The following VAV3 variants were observed in gnomAD, a reference collection of about 807,000 sequenced individuals.
VAV3 encodes vav guanine nucleotide exchange factor 3.
A neutral mutation model predicts 131.2 loss-of-function variants in VAV3; 94 were observed. The ratio of observed to expected loss-of-function variants is 0.72; its 90% CI spans 0.61 to 0.85. VAV3 has a LOEUF of 0.85. VAV3 is among the 40% of genes least tolerant of loss of function. The probability of loss-of-function intolerance (pLI) is 0.00; values close to 1 mark genes in which losing one functional copy is unlikely to be tolerated. For missense variants in VAV3, 939 were observed against 1,002.7 expected, an observed-to-expected ratio of 0.94 and a Z score of 0.86; for synonymous variants, 349 against 342.0, an observed-to-expected ratio of 1.02 and a Z score of -0.22.
intron 4 of VAV3, among the ~76,000 whole-genome samples, chr1:107,775,128 A>G (rs1665275073): frequency 6.6e-6 from 1 of 152,240 alleles, no homozygotes; most frequent in South Asian, 2.1e-4. Context: ...GGCATCTCAG[A>G]GCAGCCAATT....
intron 19 of VAV3, among the ~76,000 whole-genome samples, chr1:107,655,517 T>C (rs143257550): frequency 1.6e-3 from 239 of 152,152 alleles, no homozygotes; most frequent in Non-Finnish European, 2.0e-3. Context: ...ACTATGAAAC[T>C]ACTAGAAGAA....
intron 25 of VAV3, among the ~76,000 whole-genome samples, chr1:107,594,179 A>G (rs887704787): frequency 6.6e-6 from 1 of 152,022 alleles, no homozygotes; most frequent in African/African-American, 2.4e-5. Flanking sequence ...TTGCTTTACG[A>G]GGGAGATCTT....
chr1:107,824,393 CAT>C lies in VAV3; in HGVS notation c.322-44903_322-44902del, dbSNP rs778125774. Among the ~76,000 whole-genome samples, 29 of 152,290 alleles carry C rather than the reference CAT, an allele frequency of 1.9e-4. 1 individual carries two copies. Among genetic ancestry groups the C allele is most frequent in the East Asian group, 1.7e-3 (9 of 5,188 alleles). ...TTTACAGTGAAGGAAACTATTAACA[CAT>C]GTGTATATTGATGAGGATGGCCCCA... On this transcript the variant is annotated intron_variant, in intron 2 of 26. Coordinates refer to ENST00000370056, the MANE Select transcript of VAV3 (RefSeq NM_006113.5).
intron 15 of VAV3, among the ~76,000 whole-genome samples, chr1:107,736,672 G>A (rs559831569): frequency 4.6e-5 from 7 of 151,956 alleles, no homozygotes; most frequent in Non-Finnish European, 7.3e-5. Context: ...TCTTCAAGGA[G>A]AACTACAAAC....
At chr1:107,680,052 A>G (rs1658495159) in intron 19 of VAV3, among the ~76,000 whole-genome samples, 1 of 152,204 alleles carries the variant, frequency 6.6e-6, no homozygotes, top group Non-Finnish European at 1.5e-5. Context: ...TATTGTCTAT[A>G]AAGATTAATC....
chr1:107,939,760 GAGC>G (rs1465112121), intron 1 of VAV3, among the ~76,000 whole-genome samples: 1 of 152,206 alleles, frequency 6.6e-6, no homozygotes, highest in Admixed American at 6.5e-5. Context: ...TGATCCTGAG[GAGC>G]AGATTAAAAA....
At chr1:107,825,411 C>G (rs188791609) in intron 2 of VAV3, among the ~76,000 whole-genome samples, 1 of 151,698 alleles carries the variant, frequency 6.6e-6, no homozygotes, top group African/African-American at 2.4e-5. Flanking sequence ...ATATGATTAC[C>G]CTTTACCAAA....
intron 2 of VAV3, among the ~76,000 whole-genome samples, chr1:107,870,127 C>T (rs1332283397): frequency 1.3e-5 from 2 of 152,054 alleles, no homozygotes; most frequent in Non-Finnish European, 2.9e-5. Flanking sequence ...CGTATAATAA[C>T]TTATTTTCCT....
chr1:107,753,930 T>G (rs1435575720), intron 12 of VAV3, among the ~76,000 whole-genome samples: 1 of 152,130 alleles, frequency 6.6e-6, no homozygotes, highest in Non-Finnish European at 1.5e-5. Context: ...TATGGAATTC[T>G]AAAGAGGAAA....
intron 1 of VAV3, among the ~76,000 whole-genome samples, chr1:107,902,339 G>C (rs74486046): frequency 0.018 from 2,730 of 152,132 alleles, 45 homozygotes; most frequent in Non-Finnish European, 0.027. Context: ...AGATGTAATT[G>C]TTTCAATTTT....
intron 1 of VAV3, among the ~76,000 whole-genome samples, chr1:107,942,276 A>G (rs9435453): frequency 0.95 from 144,595 of 152,296 alleles, 69,060 homozygotes; most frequent in South Asian, 1. Context: ...CCCCTCCAGG[A>G]CAGATGTAAA....
At chr1:107,653,977 G>A (rs933105951) in intron 19 of VAV3, among the ~76,000 whole-genome samples, 47 of 152,136 alleles carry the variant, frequency 3.1e-4, no homozygotes, top group African/African-American at 1.1e-3. Flanking sequence ...TTCTGACCAC[G>A]AAAACACTAC....
chr1:107,895,348 T>G (rs181317495), intron 1 of VAV3, among the ~76,000 whole-genome samples: 80 of 152,304 alleles, frequency 5.3e-4, no homozygotes, highest in Admixed American at 1.2e-3. Context: ...TTTTTCACAT[T>G]GCTTGTCATC....
intron 24 of VAV3, among the ~76,000 whole-genome samples, chr1:107,600,808 A>C (rs1651792053): frequency 6.6e-6 from 1 of 152,208 alleles, no homozygotes; most frequent in Non-Finnish European, 1.5e-5. Flanking sequence ...ACACAAAGCT[A>C]AATTCATTGG....
intron 5 of VAV3, among the ~76,000 whole-genome samples, chr1:107,771,184 G>C (rs939306173): frequency 6.6e-6 from 1 of 151,464 alleles, no homozygotes; most frequent in Non-Finnish European, 1.5e-5. Context: ...GGAAGTCATA[G>C]AGCACAACAC....
intron 21 of VAV3, among the ~76,000 whole-genome samples, chr1:107,612,079 A>G (rs1297357550): frequency 4.6e-5 from 7 of 152,110 alleles, no homozygotes; most frequent in African/African-American, 1.7e-4. Flanking sequence ...TGCTATGAAC[A>G]TGTAGTTTTT....
At chr1:107,781,980 G>A (rs1468474349) in intron 2 of VAV3, among the ~76,000 whole-genome samples, 2 of 152,242 alleles carry the variant, frequency 1.3e-5, no homozygotes, top group African/African-American at 4.8e-5. Context: ...TCTAACTTTG[G>A]GGAGGTTCTG....
chr1:107,658,161 C>A (rs184713723), intron 19 of VAV3, among the ~76,000 whole-genome samples: 98 of 152,192 alleles, frequency 6.4e-4, no homozygotes, highest in Admixed American at 6.2e-3. Flanking sequence ...CAATATATAG[C>A]TAAAGAATAA....
rs1649243384 is a variant in VAV3, at chr1:107,571,283, T to C, written c.*2048A>G. The C allele has an allele frequency of 6.6e-6, 1 of 152,650 alleles. No individual in the cohort carries two copies. The highest frequency in any genetic ancestry group is 1.5e-5 in the Non-Finnish European group (1 of 68,040). The allele number at this position is 152,650 out of a possible 1,614,324, so 9.5% of individuals were successfully genotyped here. On this transcript the variant is annotated 3_prime_UTR_variant, in exon 27 of 27. Transcript: ENST00000370056. ...GCAAGACAAAGTATATGGAAAACAT[T>C]TACTTCTGTCTTTGGTATTAGAACT...
Sources: allele counts gnomAD v4.1 joint callset (sites outside exome capture counted in the v4.1 genomes callset), GRCh38; gene constraint gnomAD v4.1.1; transcripts MANE v1.5; gene names NCBI Gene and HGNC (gene_info 2026-07-23, HGNC 2026-07-21).